C16orf74: variants seen among roughly 807,000 people sequenced by gnomAD.
C16orf74 encodes uncharacterized protein C16orf74.
Under a neutral mutation model 6.5 loss-of-function variants are expected in C16orf74, and 10 were observed. The observed-to-expected ratio is 1.54, with a 90% CI of 0.95 to 2.61. C16orf74 has a LOEUF of 2.61. Among genes scored for constraint, C16orf74 ranks in the 30% most tolerant of loss-of-function variants. C16orf74 has a pLI of 0.00. For missense variants in C16orf74, 141 were observed against 105.9 expected (o/e 1.33, Z -1.45); for synonymous variants, 60 against 42.5 (o/e 1.41, Z -1.60).
chr16:85,728,425 A>G (rs2152062282), intron 2 of C16orf74, among the ~76,000 whole-genome samples: 1 of 152,214 alleles, frequency 6.6e-6, no homozygotes, highest in Admixed American at 6.5e-5. Flanking sequence ...AGGCAGCCCC[A>G]AGGGACCTTC....
chr16:85,720,248 G>A (rs1184291898), intron 2 of C16orf74, among the ~76,000 whole-genome samples: 2 of 152,172 alleles, frequency 1.3e-5, no homozygotes, highest in Non-Finnish European at 2.9e-5. Flanking sequence ...GAGACAACCT[G>A]AGAGGAGCTA....
rs182718790 is a variant in C16orf74, at chr16:85,719,371, G to T, written c.29-9064C>A. On this transcript the variant is annotated intron_variant, in intron 2 of 3. Transcript: ENST00000284245. ...AGGGTCAACTGGAGAAAAAGCAGGA[G>T]GGTCCCCAGTGATTCAAGCTATCAC... is the stretch of plus-strand genomic sequence containing the variant. Among the ~76,000 whole-genome samples the T allele has an allele frequency of 4.1e-4, 62 of 152,282 alleles. 1 individual carries two copies. The East Asian group carries it at 0.011, about 28-fold the overall frequency.
intron 2 of C16orf74, among the ~76,000 whole-genome samples, chr16:85,714,687 G>A (rs947641978): frequency 6.6e-6 from 1 of 151,278 alleles, no homozygotes; most frequent in African/African-American, 2.4e-5. Context: ...CAAAGTCCTG[G>A]GATTACAGGC....
At chr16:85,721,533 A>T (rs745789944) in intron 2 of C16orf74, among the ~76,000 whole-genome samples, 1 of 152,178 alleles carries the variant, frequency 6.6e-6, no homozygotes, top group African/African-American at 2.4e-5. Context: ...GTCCCATGCA[A>T]TGCTTGGGAC....
chr16:85,744,601 C>T (rs567524278), intron 1 of C16orf74, among the ~76,000 whole-genome samples: 67 of 152,084 alleles, frequency 4.4e-4, no homozygotes, highest in East Asian at 1.5e-3. Flanking sequence ...GAGGCCAAGG[C>T]GGGCGGATCA....
intron 2 of C16orf74, among the ~76,000 whole-genome samples, chr16:85,716,556 G>C (rs1395785342): frequency 6.9e-6 from 1 of 144,256 alleles, no homozygotes; most frequent in Non-Finnish European, 1.5e-5. Flanking sequence ...GGAGGACAGA[G>C]GGAGGGAAGG....
chr16:85,708,424 G>A (rs11860727), intron 3 of C16orf74, among the ~76,000 whole-genome samples: 4,870 of 152,174 alleles, frequency 0.032, 274 homozygotes, highest in African/African-American at 0.11. Flanking sequence ...TTTGACAGCC[G>A]AGCTAAGGAC....
At chr16:85,744,088 G>A (rs1378983293) in intron 1 of C16orf74, 1 of 151,548 alleles carries the variant, frequency 6.6e-6, no homozygotes, top group African/African-American at 2.4e-5. Flanking sequence ...AGCCGGGCAT[G>A]GTGGTGCATG....
intron 2 of C16orf74, among the ~76,000 whole-genome samples, chr16:85,721,067 G>A (rs1331361773): frequency 1.3e-5 from 2 of 152,134 alleles, no homozygotes; most frequent in African/African-American, 4.8e-5. Context: ...CCCTAGCCTA[G>A]GCAATAAGAG....
intron 2 of C16orf74, among the ~76,000 whole-genome samples, chr16:85,715,599 G>C (rs1421521228): frequency 6.6e-6 from 1 of 152,178 alleles, no homozygotes; most frequent in Non-Finnish European, 1.5e-5. Context: ...ACACAGCTTT[G>C]CCACGGCAGC....
chr16:85,733,974 G>A (rs748076374), intron 2 of C16orf74, among the ~76,000 whole-genome samples: 6 of 152,204 alleles, frequency 3.9e-5, no homozygotes, highest in Non-Finnish European at 5.9e-5. Context: ...TGCTCTCCTG[G>A]AGCGGATTCC....
rs571166663 is a variant in C16orf74 at position 85,716,005 on chromosome 16, G to C, written c.29-5698C>G. Among the ~76,000 whole-genome samples, 20 of 143,950 alleles carry C rather than the reference G, an allele frequency of 1.4e-4. No individual in the cohort carries two copies. The East Asian group carries it at 3.9e-3, about 28-fold the overall frequency. The allele number at this position is 143,950 out of a possible 152,430, so 94.4% of individuals were successfully genotyped here. ...GCGGAGGCCCCCGACAAAAGGAATC[G>C]CTGATGATCGGAGGCCCCCGACAAA... On this transcript the variant is annotated intron_variant, in intron 2 of 3. Coordinates refer to ENST00000284245, the MANE Select transcript of C16orf74 (RefSeq NM_206967.3).
chr16:85,731,225 GC>G (rs1349021532), intron 2 of C16orf74, among the ~76,000 whole-genome samples: 3 of 152,240 alleles, frequency 2.0e-5, no homozygotes, highest in Non-Finnish European at 4.4e-5. Context: ...TTGCCCTAAG[GC>G]AGGAACCACT....
At chr16:85,730,706 C>T (rs1021778164) in intron 2 of C16orf74, among the ~76,000 whole-genome samples, 2 of 150,220 alleles carry the variant, frequency 1.3e-5, no homozygotes, top group Admixed American at 6.7e-5. Context: ...CCTCTTAGAC[C>T]AGCCAACCAA....
chr16:85,719,474 A>G (rs2054057536), intron 2 of C16orf74, among the ~76,000 whole-genome samples: 2 of 152,218 alleles, frequency 1.3e-5, no homozygotes, highest in South Asian at 2.1e-4. Flanking sequence ...CTGGGCACTG[A>G]TCGTTTGATC....
At chr16:85,744,812 A>C (rs1487491242) in intron 1 of C16orf74, among the ~76,000 whole-genome samples, 1 of 134,722 alleles carries the variant, frequency 7.4e-6, no homozygotes, top group East Asian at 2.4e-4. Context: ...CCTGGGCAAC[A>C]GAGCAAGACT....
chr16:85,722,854 G>T lies in C16orf74; in HGVS notation c.28+12336C>A, dbSNP rs567975416. Among the ~76,000 whole-genome samples the T allele has an allele frequency of 7.4e-4, 113 of 152,346 alleles. 4 individuals carry two copies. In the South Asian group the frequency reaches 0.023, roughly 31 times the overall value. ...ACGCCTATGTGCACCAGGCGCCACG[G>T]TGCCAGTGCCTTCACAGGACTTGGC... On this transcript the variant is annotated intron_variant, in intron 2 of 3. Coordinates refer to ENST00000284245, the MANE Select transcript of C16orf74 (RefSeq NM_206967.3).
intron 1 of C16orf74, among the ~76,000 whole-genome samples, chr16:85,737,147 G>A (rs965629966): frequency 2.0e-5 from 3 of 152,220 alleles, no homozygotes; most frequent in Admixed American, 1.3e-4. Flanking sequence ...CAGAGGAGAA[G>A]TCCGAACAAT....
intron 2 of C16orf74, among the ~76,000 whole-genome samples, chr16:85,719,720 C>T (rs1057109980): frequency 5.9e-5 from 9 of 152,122 alleles, no homozygotes; most frequent in Non-Finnish European, 1.3e-4. Flanking sequence ...AGGGGTCAAT[C>T]AGAAAGCGGC....
Sources: allele counts gnomAD v4.1 joint callset (sites outside exome capture counted in the v4.1 genomes callset), GRCh38; gene constraint gnomAD v4.1.1; transcripts MANE v1.5; gene names NCBI Gene and HGNC (gene_info 2026-07-23, HGNC 2026-07-21).